Variants in COQ6 observed in about 807,000 individuals in gnomAD.
COQ6 encodes ubiquinone biosynthesis monooxygenase COQ6, mitochondrial.
In COQ6, 45 loss-of-function variants were observed where a neutral mutation model predicts 55.5. The ratio of observed to expected loss-of-function variants is 0.81; its 90% CI spans 0.64 to 1.04. The LOEUF is 1.04. Ranked by LOEUF, COQ6 falls within the 50% of genes least tolerant of loss-of-function variation. COQ6 has a pLI of 0.00. For synonymous variants in COQ6, 206 were observed against 230.5 expected, an observed-to-expected ratio of 0.89 and a Z score of 0.96; for missense variants, 550 against 601.3, an observed-to-expected ratio of 0.91 and a Z score of 0.89.
At position 73,955,822 on chromosome 14, in the gene COQ6, A is replaced by G; in HGVS notation, c.375A>G (p.Ser125=). The G allele has an allele frequency of 6.2e-7, 1 of 1,614,182 alleles. No individual in the cohort carries two copies. ...GTTTCCAGGTGTGGGACGCCTGCTC[A>G]GAGGCCCTGATAATGTTTGATAAGG... ...FRRMQVWDAC[S]EALIMFDKDN... The change falls in exon 4 of 12, where the codon TCA becomes TCG. Residue 125 remains serine (S), a synonymous_variant. Transcript: ENST00000334571.
At chr14:73,959,789 C>CA in intron 8 of COQ6, 2 of 1,248,426 alleles carry the variant, frequency 1.6e-6, no homozygotes, top group Non-Finnish European at 2.1e-6. Flanking sequence ...AGGCTGGTCT[C>CA]AAACTCCTGA....
chr14:73,954,006 T>A (rs2056303574), intron 2 of COQ6, among the ~76,000 whole-genome samples: 1 of 152,190 alleles, frequency 6.6e-6, no homozygotes, highest in Non-Finnish European at 1.5e-5. Flanking sequence ...CAAATTGTCA[T>A]TAGGTCTGCT....
chr14:73,952,094 G>C (rs1208595575), intron 1 of COQ6, among the ~76,000 whole-genome samples: 1 of 144,584 alleles, frequency 6.9e-6, no homozygotes, highest in Non-Finnish European at 1.5e-5. Context: ...ACCGCTCACT[G>C]TCTGTATGGC....
chr14:73,958,346 T>C, intron 5 of COQ6, 69 bp downstream of exon 5: 1 of 1,609,748 alleles, frequency 6.2e-7, no homozygotes, highest in Non-Finnish European at 8.5e-7. Context: ...CTAGGGACTC[T>C]GGTTTTCGAT....
intron 8 of COQ6, 29 bp downstream of exon 8, chr14:73,959,551 G>A (rs1406167505): frequency 6.2e-7 from 1 of 1,613,804 alleles, no homozygotes; most frequent in Non-Finnish European, 8.5e-7. Flanking sequence ...AGCTGATGAT[G>A]TGCTGCAGGG....
chr14:73,957,867 G>A (rs986729707), intron 4 of COQ6: 31 of 414,338 alleles, frequency 7.5e-5, no homozygotes, highest in African/African-American at 6.3e-4. Context: ...GCTCATTTAA[G>A]CGTAGAGTGA....
At chr14:73,950,225 G>C, upstream of COQ6, 1 of 1,539,672 alleles carries the variant, frequency 6.5e-7, no homozygotes, top group Non-Finnish European at 8.7e-7. Context: ...TTTTATTTCC[G>C]GTTCTGAGGA....
chr14:73,955,704 T>C lies in COQ6; in HGVS notation c.358-101T>C, dbSNP rs2056400454. On this transcript the variant is annotated intron_variant, in intron 3 of 11. Coordinates refer to ENST00000334571, the MANE Select transcript of COQ6 (RefSeq NM_182476.3). ...TTTTCCTACCAGAGAGGCTGACAAA[T>C]TGTGATTTTCTGCTCTGTCACTTGG... 11 of 1,562,008 alleles carry C rather than the reference T, an allele frequency of 7.0e-6. No homozygotes were observed. The East Asian group carries it at 2.5e-4, about 35-fold the overall frequency.
In COQ6 at chr14:73,955,522, CTT is replaced by C; in HGVS notation, c.357+16_357+17del. ...TCGGCGAATGCAGGTGCCCCTTTATCTTTTCAATTTTGTCAAGATGTCTTGGT... is the reference window on the plus strand; with the variant it reads ...TCGGCGAATGCAGGTGCCCCTTTATCTTCAATTTTGTCAAGATGTCTTGGT... On this transcript the variant is annotated intron_variant, in intron 3 of 11. Coordinates refer to ENST00000334571, the MANE Select transcript of COQ6 (RefSeq NM_182476.3). The C allele has an allele frequency of 6.2e-7, 1 of 1,613,112 alleles. No homozygotes were observed. Among genetic ancestry groups the C allele is most frequent in the African/African-American group, 1.3e-5 (1 of 75,022 alleles).
intron 4 of COQ6, among the ~76,000 whole-genome samples, chr14:73,957,028 A>G (rs574376057): frequency 6.6e-6 from 1 of 152,194 alleles, no homozygotes; most frequent in African/African-American, 2.4e-5. Flanking sequence ...GAGTAGTTTA[A>G]GGGTGATTTT....
chr14:73,955,611 CA>C lies in COQ6; in HGVS notation c.357+104del, dbSNP rs541998934. ...TTCTGTGAATGTAGGAGGAATCAGA[CA>C]AGGTTCACATTCAGTCCGAGGAAGT... On this transcript the variant is annotated intron_variant, in intron 3 of 11. Transcript: ENST00000334571. 1.3e-3 allele frequency: 1,717 copies of C among 1,365,458 alleles called. 1 individual carries two copies. Among genetic ancestry groups the C allele is most frequent in the Non-Finnish European group, 1.6e-3 (1,570 of 954,474 alleles). The allele number at this position is 1,365,458 out of a possible 1,614,324, so 84.6% of individuals were successfully genotyped here.
intron 8 of COQ6, chr14:73,960,361 G>A: frequency 1.0e-6 from 1 of 987,044 alleles, no homozygotes; most frequent in Non-Finnish European, 1.2e-6. Flanking sequence ...TAATAATTCT[G>A]GAGTAGACAC....
chr14:73,951,196 A>G (rs188540170), intron 1 of COQ6, among the ~76,000 whole-genome samples: 1 of 152,094 alleles, frequency 6.6e-6, no homozygotes, highest in East Asian at 1.9e-4. Context: ...AGGTCTCACT[A>G]TGTTGCCCAG....
At chr14:73,956,060 C>G in intron 4 of COQ6, 132 bp downstream of exon 4, 3 of 1,346,378 alleles carry the variant, frequency 2.2e-6, no homozygotes, top group Admixed American at 1.7e-5. Flanking sequence ...TGCGGTGGCT[C>G]ACGCCTGTAA....
In COQ6 at chr14:73,953,523, C is replaced by T. The variant is rs2056280643; in HGVS notation, c.252C>T (p.Ser84=). ...KVLEKLSETY[S]NRVSSISPGS... is the part of the protein sequence containing the mutation. ...TGGAGAAATTGTCAGAAACTTACAG[C>T]AACAGGGTCAGCTCCATTTCCCCTG... is the stretch of plus-strand genomic sequence containing the variant. The change falls in exon 2 of 12, where the codon AGC becomes AGT. Residue 84 remains serine (S), a synonymous_variant. Coordinates refer to ENST00000334571, the MANE Select transcript of COQ6 (RefSeq NM_182476.3). The T allele has an allele frequency of 1.2e-6, 2 of 1,614,040 alleles. No individual in the cohort carries two copies. The highest frequency in any genetic ancestry group is 1.3e-5 in the African/African-American group (1 of 74,906).
chr14:73,950,748 A>G (rs1265608545), intron 1 of COQ6, among the ~76,000 whole-genome samples: 3 of 152,190 alleles, frequency 2.0e-5, no homozygotes, highest in Admixed American at 1.3e-4. Flanking sequence ...GGGGTTATTT[A>G]TAAATGAGAG....
intron 1 of COQ6, among the ~76,000 whole-genome samples, chr14:73,953,171 C>T (rs1018361028): frequency 6.6e-5 from 10 of 152,022 alleles, no homozygotes; most frequent in Admixed American, 2.0e-4. Flanking sequence ...ATTCTGTTTG[C>T]TAGTTAGGTG....
rs780055948 is a variant in COQ6 at position 73,958,158 on chromosome 14, G to A, written c.493G>A (p.Val165Ile). Reference sequence around the variant, plus strand: ...TTTGACCTCCCCAGACCGAGTGACGGTTCTCTACAGGAGCAAAGCCATTCG... The same window carrying A: ...TTTGACCTCCCCAGACCGAGTGACGATTCTCTACAGGAGCAAAGCCATTCG... ...QLEAVSDRVT[V>I]LYRSKAIRYT... Residue 165 changes from valine (V) to isoleucine (I), a missense_variant, in exon 5 of 12, where the codon GTT (valine) becomes ATT (isoleucine). Physicochemically the swap from Val to Ile is conservative, Grantham distance 29. Transcript: ENST00000334571. 31 of 1,613,874 alleles carry A rather than the reference G, an allele frequency of 1.9e-5. No individual in the cohort carries two copies. The highest frequency in any genetic ancestry group is 2.5e-5 in the Non-Finnish European group (30 of 1,179,994).
rs17851169 is a variant in COQ6 at position 73,959,490 on chromosome 14, G to C, written c.859G>C (p.Glu287Gln). 1.2e-6 allele frequency: 2 copies of C among 1,614,024 alleles called. No homozygotes were observed. The highest frequency in any genetic ancestry group is 2.2e-5 in the East Asian group (1 of 44,902). Residue 287 changes from glutamate to glutamine, a missense_variant, in exon 8 of 12, where the codon GAA (glutamate) becomes CAA (glutamine). Physicochemically the swap from Glu to Gln is conservative, Grantham distance 29. Transcript: ENST00000334571. ...AGCAGAGCTAGTTAGCATGGATGAG[G>C]AAAAATTTGTGGATGCCGTTAACTC... ...HAAELVSMDE[E>Q]KFVDAVNSAF...
Sources: allele counts gnomAD v4.1 joint callset (sites outside exome capture counted in the v4.1 genomes callset), GRCh38; gene constraint gnomAD v4.1.1; transcripts MANE v1.5; gene names NCBI Gene and HGNC (gene_info 2026-07-23, HGNC 2026-07-21).